CA10: variants seen among roughly 807,000 people sequenced by gnomAD.
CA10 encodes carbonic anhydrase-related protein 10.
CA10 carries 14 observed loss-of-function variants against 44.2 expected under a neutral mutation model. The observed-to-expected ratio is 0.32, with a 90% CI of 0.21 to 0.50. CA10 has a LOEUF of 0.50. CA10 is among the 20% of genes least tolerant of loss of function. The pLI is 0.99. For missense variants in CA10, 350 were observed against 409.7 expected, an observed-to-expected ratio of 0.85 and a Z score of 1.26; for synonymous variants, 159 against 141.6, an observed-to-expected ratio of 1.12 and a Z score of -0.87.
chr17:51,677,509 C>A (rs1398471141), intron 4 of CA10, among the ~76,000 whole-genome samples: 1 of 152,216 alleles, frequency 6.6e-6, no homozygotes. Flanking sequence ...AACCATGAAC[C>A]AATGAAACCT....
chr17:51,798,228 C>T (rs1286078823), intron 3 of CA10, among the ~76,000 whole-genome samples: 1 of 152,196 alleles, frequency 6.6e-6, no homozygotes, highest in African/African-American at 2.4e-5. Context: ...TGTAATCCTC[C>T]TTCCTTATAG....
chr17:51,652,900 T>C (rs1371292918), intron 5 of CA10, among the ~76,000 whole-genome samples: 1 of 152,230 alleles, frequency 6.6e-6, no homozygotes, highest in Admixed American at 6.5e-5. Context: ...ATTGCTTTTT[T>C]TTAATTTTTA....
rs1342142550 is a variant in CA10, at chr17:51,944,722, GAT to G, written c.137-13592_137-13591del. ...AAAATGTGGATAGATGTTATCTCTG[GAT>G]AGTGAAATTACAGGTGAATATTAAC... is the stretch of plus-strand genomic sequence containing the variant. On this transcript the variant is annotated intron_variant, in intron 2 of 8. Coordinates refer to ENST00000451037, the MANE Select transcript of CA10 (RefSeq NM_020178.5). Among the ~76,000 whole-genome samples the G allele has an allele frequency of 1.2e-4, 19 of 152,078 alleles. 1 individual carries two copies. The highest frequency in any genetic ancestry group is 4.6e-4 in the African/African-American group (19 of 41,414).
chr17:51,816,664 A>G (rs1000968769), intron 3 of CA10, among the ~76,000 whole-genome samples: 5 of 152,344 alleles, frequency 3.3e-5, no homozygotes, highest in Non-Finnish European at 7.3e-5. Flanking sequence ...TATTATTTTT[A>G]CTCATCACTA....
chr17:51,785,068 A>G (rs963325740), intron 3 of CA10, among the ~76,000 whole-genome samples: 2 of 152,144 alleles, frequency 1.3e-5, no homozygotes, highest in African/African-American at 4.8e-5. Context: ...TAACATAATG[A>G]TCTCCAGTTC....
intron 1 of CA10, among the ~76,000 whole-genome samples, chr17:52,111,751 C>T (rs1988793151): frequency 1.3e-5 from 2 of 152,150 alleles, no homozygotes; most frequent in South Asian, 2.1e-4. Context: ...AATTATTCTA[C>T]TATCAACTTT....
intron 2 of CA10, among the ~76,000 whole-genome samples, chr17:51,932,453 A>G (rs1045181257): frequency 2.0e-5 from 3 of 152,274 alleles, no homozygotes; most frequent in Middle Eastern, 3.4e-3. Context: ...CTTATTTGTT[A>G]TAGGCAACTG....
intron 3 of CA10, among the ~76,000 whole-genome samples, chr17:51,811,518 G>A (rs997505770): frequency 2.6e-5 from 4 of 152,262 alleles, no homozygotes; most frequent in African/African-American, 9.6e-5. Context: ...TTCCACCTAT[G>A]AGTGAGAACA....
chr17:51,688,202 C>A (rs1162185359), intron 4 of CA10, among the ~76,000 whole-genome samples: 2 of 152,188 alleles, frequency 1.3e-5, no homozygotes, highest in Non-Finnish European at 2.9e-5. Context: ...TCTTCTACCC[C>A]AGTCAAGCCT....
intron 1 of CA10, among the ~76,000 whole-genome samples, chr17:52,149,779 G>GA (rs1989664999): frequency 6.6e-6 from 1 of 152,084 alleles, no homozygotes; most frequent in Admixed American, 6.5e-5. Flanking sequence ...AAAGCTTCTG[G>GA]GAAGCCATCT....
At chr17:52,041,136 T>C (rs1282773224) in intron 2 of CA10, among the ~76,000 whole-genome samples, 1 of 151,966 alleles carries the variant, frequency 6.6e-6, no homozygotes, top group African/African-American at 2.4e-5. Flanking sequence ...GTAGCTTAAC[T>C]GCATACTAGA....
chr17:52,111,198 C>A (rs755485822), intron 1 of CA10, among the ~76,000 whole-genome samples: 15 of 152,176 alleles, frequency 9.9e-5, no homozygotes, highest in Non-Finnish European at 1.9e-4. Flanking sequence ...CCCAGGCACA[C>A]TGATTATGTA....
chr17:52,124,037 T>G (rs572249130), intron 1 of CA10, among the ~76,000 whole-genome samples: 18 of 152,332 alleles, frequency 1.2e-4, no homozygotes, highest in African/African-American at 3.8e-4. Context: ...CCTCTTGGAT[T>G]TGTCCCACTT....
At chr17:52,018,125 C>T (rs1745000647) in intron 2 of CA10, among the ~76,000 whole-genome samples, 1 of 152,122 alleles carries the variant, frequency 6.6e-6, no homozygotes, top group Non-Finnish European at 1.5e-5. Context: ...CAGAAGCCTG[C>T]TTCAGAGGAA....
intron 1 of CA10, among the ~76,000 whole-genome samples, chr17:52,126,523 C>G (rs1320128328): frequency 2.6e-5 from 4 of 152,168 alleles, no homozygotes; most frequent in East Asian, 1.9e-4. Context: ...ACTGCTGTGC[C>G]CTTGAAAGCA....
chr17:51,948,403 C>G (rs1983363242), intron 2 of CA10, among the ~76,000 whole-genome samples: 1 of 152,114 alleles, frequency 6.6e-6, no homozygotes, highest in Non-Finnish European at 1.5e-5. Context: ...ATTTACCCTC[C>G]CATATTCCTA....
At position 51,689,373 on chromosome 17, in the gene CA10, G is replaced by T. The variant is rs1188532294; in HGVS notation, c.466-35637C>A. Among the ~76,000 whole-genome samples, 3 of 152,140 alleles carry T rather than the reference G, an allele frequency of 2.0e-5. No homozygotes were observed. In the East Asian group the frequency reaches 5.8e-4, roughly 29 times the overall value. On this transcript the variant is annotated intron_variant, in intron 4 of 8. Coordinates refer to ENST00000451037, the MANE Select transcript of CA10 (RefSeq NM_020178.5). ...TCAGGATTCCAGCCCAGGGCCATTT[G>T]ATTCCAAGGGCCATTCTTTTTTCAT...
intron 1 of CA10, among the ~76,000 whole-genome samples, chr17:52,137,891 A>T (rs1282231665): frequency 6.6e-6 from 1 of 152,130 alleles, no homozygotes; most frequent in Non-Finnish European, 1.5e-5. Context: ...TTCCTTCACC[A>T]CAGCTGTGGT....
chr17:51,901,234 A>G (rs1981301357), intron 3 of CA10, among the ~76,000 whole-genome samples: 1 of 151,958 alleles, frequency 6.6e-6, no homozygotes, highest in Non-Finnish European at 1.5e-5. Context: ...ATTGCGGTAT[A>G]AAGTGGGTTC....
Sources: allele counts gnomAD v4.1 joint callset (sites outside exome capture counted in the v4.1 genomes callset), GRCh38; gene constraint gnomAD v4.1.1; transcripts MANE v1.5; gene names NCBI Gene and HGNC (gene_info 2026-07-23, HGNC 2026-07-21).